PDCL2: variants seen among roughly 807,000 people sequenced by gnomAD.
The protein encoded by PDCL2 is phosducin like 2, also known as phosducin-like protein 2.
A neutral mutation model predicts 30.3 loss-of-function variants in PDCL2; 23 were observed. The observed-to-expected ratio is 0.76, with a 90% CI of 0.55 to 1.08. The LOEUF is 1.08. Ranked by LOEUF, PDCL2 falls within the 50% of genes least tolerant of loss-of-function variation. PDCL2 has a pLI of 0.00. For missense variants in PDCL2, 243 were observed against 282.3 expected (o/e 0.86, Z 1.00); for synonymous variants, 68 against 86.2 (o/e 0.79, Z 1.17).
At chr4:55,557,510 C>A (rs1029410175) in intron 5 of PDCL2, among the ~76,000 whole-genome samples, 1 of 152,044 alleles carries the variant, frequency 6.6e-6, no homozygotes, top group Non-Finnish European at 1.5e-5. Flanking sequence ...TGACATTAAT[C>A]CATTCATGAG....
At chr4:55,562,967 A>G (rs1732173790) in intron 4 of PDCL2, among the ~76,000 whole-genome samples, 2 of 151,532 alleles carry the variant, frequency 1.3e-5, no homozygotes, top group Admixed American at 1.3e-4. Context: ...TTCTGAGTTG[A>G]AACAAAAGGA....
At chr4:55,559,855 T>C (rs1243506885) in intron 5 of PDCL2, among the ~76,000 whole-genome samples, 3 of 152,214 alleles carry the variant, frequency 2.0e-5, no homozygotes, top group Non-Finnish European at 4.4e-5. Flanking sequence ...GACATTATGC[T>C]AAGTGGAATA....
intron 1 of PDCL2, among the ~76,000 whole-genome samples, chr4:55,585,172 T>C (rs1732828268): frequency 6.6e-6 from 1 of 152,202 alleles, no homozygotes; most frequent in South Asian, 2.1e-4. Context: ...TAATGGCTTG[T>C]AATTTTCTTT....
intron 3 of PDCL2, among the ~76,000 whole-genome samples, chr4:55,578,849 T>C (rs1374086514): frequency 6.6e-6 from 1 of 152,206 alleles, no homozygotes; most frequent in Non-Finnish European, 1.5e-5. Flanking sequence ...TTTGAAATTA[T>C]GCAATATCCT....
chr4:55,566,589 ATT>A (rs56725114), intron 4 of PDCL2, among the ~76,000 whole-genome samples: 1 of 148,520 alleles, frequency 6.7e-6, no homozygotes, highest in Admixed American at 6.7e-5. Flanking sequence ...AGCCTGGCTA[ATT>A]TTTTTTTTGT....
At position 55,582,213 on chromosome 4, in the gene PDCL2, T is replaced by C. The variant is rs1430979294; in HGVS notation, c.31A>G (p.Asn11Asp). The C allele has an allele frequency of 1.2e-6, 2 of 1,610,612 alleles. No individual in the cohort carries two copies. The highest frequency in any genetic ancestry group is 3.4e-5 in the Admixed American group (2 of 59,668). The change falls in exon 2 of 6, where the codon AAT becomes GAT. Residue 11 changes from asparagine to aspartate, a missense_variant. Coordinates refer to ENST00000295645, the MANE Select transcript of PDCL2 (RefSeq NM_152401.3). ...ATGCCGAAATCTCTTAAAATGTCAT[T>C]CCATTCTGTATCTTCATTGGGATCC... MQDPNEDTEWNDILRDFGILP... is the reference protein window; with the variant it reads MQDPNEDTEWDDILRDFGILP...
intron 1 of PDCL2, among the ~76,000 whole-genome samples, chr4:55,584,241 T>TG (rs1182020548): frequency 6.4e-3 from 430 of 67,356 alleles, no homozygotes; most frequent in Non-Finnish European, 0.011. Context: ...CTAGTTTTTT[T>TG]TTGTTGTTGT....
intron 1 of PDCL2, among the ~76,000 whole-genome samples, chr4:55,583,318 G>A (rs1193557618): frequency 1.3e-5 from 2 of 152,176 alleles, no homozygotes; most frequent in Non-Finnish European, 2.9e-5. Flanking sequence ...AAGTAGTAAT[G>A]CCATGTCAAG....
At chr4:55,573,629 T>C (rs1405084893) in intron 3 of PDCL2, among the ~76,000 whole-genome samples, 2 of 151,980 alleles carry the variant, frequency 1.3e-5, no homozygotes, top group Non-Finnish European at 2.9e-5. Context: ...CATGTGCCTG[T>C]AGTCCCAGCT....
chr4:55,584,059 T>C (rs1221083916), intron 1 of PDCL2, among the ~76,000 whole-genome samples: 1 of 152,232 alleles, frequency 6.6e-6, no homozygotes, highest in Non-Finnish European at 1.5e-5. Context: ...TCCTATTTAT[T>C]TGTGTCTTCT....
chr4:55,572,470 G>GT (rs1732452934), intron 3 of PDCL2, among the ~76,000 whole-genome samples: 1 of 152,266 alleles, frequency 6.6e-6, no homozygotes, highest in South Asian at 2.1e-4. Flanking sequence ...GAAAGCCAGT[G>GT]TAACAACTTT....
intron 1 of PDCL2, among the ~76,000 whole-genome samples, chr4:55,590,459 CAAAAAAA>C (rs60866606): frequency 1.0e-5 from 1 of 95,754 alleles, no homozygotes; most frequent in African/African-American, 4.3e-5. Context: ...ATCCTGTCTC[CAAAAAAA>C]AAAAAAAAAA....
intron 3 of PDCL2, among the ~76,000 whole-genome samples, chr4:55,575,162 T>C (rs530769170): frequency 4.8e-4 from 73 of 152,268 alleles, no homozygotes; most frequent in African/African-American, 1.7e-3. Context: ...GAACACCCAG[T>C]TGGTGTCCAG....
chr4:55,563,658 A>C (rs942199885), intron 4 of PDCL2, among the ~76,000 whole-genome samples: 8 of 152,246 alleles, frequency 5.3e-5, no homozygotes, highest in Non-Finnish European at 1.2e-4. Flanking sequence ...GAGGAAACAC[A>C]AAGTGATTAC....
intron 4 of PDCL2, among the ~76,000 whole-genome samples, chr4:55,566,664 G>C (rs914538623): frequency 2.0e-5 from 3 of 151,836 alleles, no homozygotes; most frequent in Non-Finnish European, 2.9e-5. Flanking sequence ...CTGACCTCAA[G>C]TGATCCGCCT....
At chr4:55,574,530 T>C (rs1257459875) in intron 3 of PDCL2, among the ~76,000 whole-genome samples, 1 of 152,206 alleles carries the variant, frequency 6.6e-6, no homozygotes, top group Admixed American at 6.5e-5. Context: ...CAGCCCAGGT[T>C]CATAGTCATT....
In PDCL2 at chr4:55,556,626, T is replaced by C. The variant is rs372967927; in HGVS notation, c.657A>G (p.Val219=). 108 of 1,573,632 alleles carry C rather than the reference T, an allele frequency of 6.9e-5. No homozygotes were observed. Among genetic ancestry groups the C allele is most frequent in the Non-Finnish European group, 9.3e-5 (108 of 1,156,394 alleles). ...GAATAGAAGTGTTTCTAATTGAAGATACCATCATATCTACCATGTCTTTTC... is the reference window on the plus strand; with the variant it reads ...GAATAGAAGTGTTTCTAATTGAAGACACCATCATATCTACCATGTCTTTTC... ...NPRKDMVDMM[V]SSIRNTSIHD... Residue 219 remains valine, a synonymous_variant, in exon 6 of 6, where the codon GTA becomes GTG. Transcript: ENST00000295645.
At chr4:55,569,094 T>A (rs751027454) in intron 4 of PDCL2, among the ~76,000 whole-genome samples, 6 of 151,848 alleles carry the variant, frequency 4.0e-5, no homozygotes, top group Non-Finnish European at 7.4e-5. Context: ...AGCTCTCCTA[T>A]GTGTATGTGT....
chr4:55,566,689 A>G (rs1317079909), intron 4 of PDCL2, among the ~76,000 whole-genome samples: 2 of 152,092 alleles, frequency 1.3e-5, no homozygotes, highest in African/African-American at 4.8e-5. Context: ...CGGCCTCCCA[A>G]AGTGCTGGGA....
Sources: gnomAD v4.1 joint callset for allele counts (sites outside exome capture counted in the v4.1 genomes callset) on GRCh38, gnomAD v4.1.1 for gene constraint, MANE v1.5 for transcripts, NCBI Gene and HGNC (gene_info 2026-07-23, HGNC 2026-07-21) for gene names.